IL1RAPL2: variants seen among roughly 807,000 people sequenced by gnomAD.
IL1RAPL2 encodes the protein X-linked interleukin-1 receptor accessory protein-like 2.
In IL1RAPL2, 3 loss-of-function variants were observed where a neutral mutation model predicts 44.1. The ratio of observed to expected loss-of-function variants is 0.07; its 90% CI spans 0.03 to 0.18. The LOEUF is 0.18. Among genes scored for constraint, IL1RAPL2 ranks in the 10% least tolerant of loss-of-function variants. The pLI is 1.00. For synonymous variants in IL1RAPL2, 181 were observed against 178.8 expected, an observed-to-expected ratio of 1.01 and a Z score of -0.10; for missense variants, 391 against 496.4, an observed-to-expected ratio of 0.79 and a Z score of 2.02.
At chrX:105,362,412 T>C (rs1207157015) in intron 5 of IL1RAPL2, among the ~76,000 whole-genome samples, 1 of 111,404 alleles carries the variant, frequency 9.0e-6, no homozygotes, top group African/African-American at 3.3e-5. Context: ...AGGTAGATAA[T>C]AAAATTTTAA....
chrX:104,930,375 G>A (rs776318992), intron 2 of IL1RAPL2, among the ~76,000 whole-genome samples: 1 of 112,196 alleles, frequency 8.9e-6, no homozygotes, highest in Non-Finnish European at 1.9e-5. Flanking sequence ...GGCTTAGTCT[G>A]TATGACTTGA....
chrX:105,298,310 T>G (rs1364651759), intron 5 of IL1RAPL2, among the ~76,000 whole-genome samples: 12 of 111,219 alleles, frequency 1.1e-4, no homozygotes, highest in Admixed American at 1.1e-3. Flanking sequence ...ATGGTGACAG[T>G]GAAGATGGAG....
At chrX:105,715,602 TAAATTG>T (rs1036253787) in intron 6 of IL1RAPL2, among the ~76,000 whole-genome samples, 7 of 111,472 alleles carry the variant, frequency 6.3e-5, no homozygotes, top group African/African-American at 2.3e-4. Context: ...GAAAGGAGTA[TAAATTG>T]AAATTGAAGA....
At chrX:105,305,286 A>G (rs2034726568) in intron 5 of IL1RAPL2, among the ~76,000 whole-genome samples, 1 of 111,468 alleles carries the variant, frequency 9.0e-6, no homozygotes, top group African/African-American at 3.3e-5. Context: ...TTAACAGTAC[A>G]GTATTGTGCA....
At position 105,350,763 on chromosome X, in the gene IL1RAPL2, A is replaced by G. The variant is rs377528307; in HGVS notation, c.697+83222A>G. Among the ~76,000 whole-genome samples the G allele has an allele frequency of 5.3e-5, 6 of 112,295 alleles. No individual in the cohort carries two copies. In the South Asian group the frequency reaches 1.1e-3, roughly 21 times the overall value. On this transcript the variant is annotated intron_variant, in intron 5 of 10. Transcript: ENST00000372582. ...CCAAAAGCAATGGCAACAAAAGCCA[A>G]AATTGACAAATGGGATCTAATTAAA...
At position 105,030,778 on chromosome X, in the gene IL1RAPL2, A is replaced by G. The variant is rs973783548; in HGVS notation, c.83-164697A>G. 4.5e-5 allele frequency among the ~76,000 whole-genome samples: 5 copies of G among 111,963 alleles called. No homozygotes were observed. The Admixed American group carries it at 4.8e-4, about 11-fold the overall frequency. Reference sequence around the variant, plus strand: ...TTTATAGTTTTTTCCAATTCTGTGAAGAAAGTCATTGGTAGCTTGATAGGG... The same window carrying G: ...TTTATAGTTTTTTCCAATTCTGTGAGGAAAGTCATTGGTAGCTTGATAGGG... On this transcript the variant is annotated intron_variant, in intron 2 of 10. Coordinates refer to ENST00000372582, the MANE Select transcript of IL1RAPL2 (RefSeq NM_017416.2).
At position 104,714,497 on chromosome X, in the gene IL1RAPL2, C is replaced by A. The variant is rs151270268; in HGVS notation, c.82+55502C>A. Among the ~76,000 whole-genome samples, 694 of 110,910 alleles carry A rather than the reference C, an allele frequency of 6.3e-3. 3 individuals are homozygous for A. The highest frequency in any genetic ancestry group is 0.022 in the African/African-American group (662 of 30,585). On this transcript the variant is annotated intron_variant, in intron 2 of 10. Coordinates refer to ENST00000372582, the MANE Select transcript of IL1RAPL2 (RefSeq NM_017416.2). ...CTTCCTTCGGCTCTCATTCCATCTC[C>A]TGCCACCCTGTTAAGTGGTGCCTTT...
chrX:105,493,491 G>C (rs761330648), intron 6 of IL1RAPL2, among the ~76,000 whole-genome samples: 2 of 111,761 alleles, frequency 1.8e-5, no homozygotes, highest in Non-Finnish European at 3.8e-5. Flanking sequence ...TTGAAATTGT[G>C]TTTTTTATTT....
chrX:105,611,193 A>G (rs2037333694), intron 6 of IL1RAPL2, among the ~76,000 whole-genome samples: 1 of 112,553 alleles, frequency 8.9e-6, no homozygotes, highest in South Asian at 3.6e-4. Context: ...TTGTACAGCT[A>G]TACAATGTGT....
chrX:104,757,113 G>C (rs923683550), intron 2 of IL1RAPL2, among the ~76,000 whole-genome samples: 1 of 111,723 alleles, frequency 9.0e-6, no homozygotes, highest in African/African-American at 3.2e-5. Context: ...AGACTAAAGA[G>C]GACAAGAGAA....
At chrX:105,478,290 A>G (rs2036210937) in intron 5 of IL1RAPL2, among the ~76,000 whole-genome samples, 1 of 111,448 alleles carries the variant, frequency 9.0e-6, no homozygotes, top group Non-Finnish European at 1.9e-5. Context: ...GGTAGAGGCC[A>G]GGGAAGCTGC....
chrX:104,736,479 C>T (rs980711514), intron 2 of IL1RAPL2, among the ~76,000 whole-genome samples: 1 of 111,769 alleles, frequency 8.9e-6, no homozygotes, highest in African/African-American at 3.2e-5. Context: ...CTTTTCTCTC[C>T]TGTGATTTTC....
intron 5 of IL1RAPL2, among the ~76,000 whole-genome samples, chrX:105,397,307 G>A (rs748249224): frequency 9.0e-6 from 1 of 111,162 alleles, no homozygotes; most frequent in South Asian, 3.8e-4. Context: ...TAGAAAAACT[G>A]GCTTCCATGA....
intron 2 of IL1RAPL2, among the ~76,000 whole-genome samples, chrX:104,668,969 T>C (rs1015823657): frequency 3.6e-5 from 4 of 111,436 alleles, no homozygotes; most frequent in Admixed American, 9.6e-5. Flanking sequence ...TTCATTTTTT[T>C]CCCAAGAAGG....
intron 2 of IL1RAPL2, among the ~76,000 whole-genome samples, chrX:104,676,302 C>G (rs1930755959): frequency 9.0e-6 from 1 of 111,264 alleles, no homozygotes; most frequent in African/African-American, 3.3e-5. Context: ...CTGGTGGTGA[C>G]AAAATCTCTC....
chrX:104,901,199 CTTTTTTTTTTTTTTT>C (rs1194148816), intron 2 of IL1RAPL2, among the ~76,000 whole-genome samples: 6 of 32,121 alleles, frequency 1.9e-4, no homozygotes, highest in African/African-American at 6.7e-4. Flanking sequence ...TCTTTTGCTT[CTTTTTTTTTTTTTTT>C]TTTTTTTTTT....
chrX:104,922,726 A>G (rs896337262), intron 2 of IL1RAPL2, among the ~76,000 whole-genome samples: 1 of 111,888 alleles, frequency 8.9e-6, no homozygotes, highest in African/African-American at 3.2e-5. Flanking sequence ...AAAAGGGACC[A>G]GTACAAGAAC....
chrX:104,727,126 G>A (rs750863765), intron 2 of IL1RAPL2, among the ~76,000 whole-genome samples: 9 of 110,775 alleles, frequency 8.1e-5, no homozygotes, highest in South Asian at 3.8e-4. Flanking sequence ...AAATTAAAAC[G>A]TTTCTGCACA....
intron 2 of IL1RAPL2, among the ~76,000 whole-genome samples, chrX:104,729,199 C>A (rs1287554768): frequency 9.0e-6 from 1 of 111,235 alleles, no homozygotes; most frequent in African/African-American, 3.3e-5. Context: ...GAAATAAATT[C>A]AAGTATAAAA....
Sources: allele counts gnomAD v4.1 joint callset (sites outside exome capture counted in the v4.1 genomes callset), GRCh38; gene constraint gnomAD v4.1.1; transcripts MANE v1.5; gene names NCBI Gene and HGNC (gene_info 2026-07-23, HGNC 2026-07-21).